Variants in SMCO2 observed in about 807,000 individuals in gnomAD.
The protein encoded by SMCO2 is single-pass membrane protein with coiled-coil domains 2, also known as single-pass membrane and coiled-coil domain-containing protein 2.
A neutral mutation model predicts 29.5 loss-of-function variants in SMCO2; 25 were observed. That is an observed-to-expected ratio of 0.85 (90% confidence interval 0.62 to 1.18). The LOEUF (loss-of-function observed/expected upper bound fraction) is 1.18, where lower values mean the gene tolerates loss of function less well. SMCO2 is among the 50% of genes most tolerant of loss of function. SMCO2 has a pLI of 0.00. For synonymous variants in SMCO2, 117 were observed against 123.3 expected (o/e 0.95, Z 0.34); for missense variants, 348 against 344.5 (o/e 1.01, Z -0.08).
At chr12:27,490,609 G>C (rs1949727361) in intron 5 of SMCO2, among the ~76,000 whole-genome samples, 1 of 152,196 alleles carries the variant, frequency 6.6e-6, no homozygotes, top group East Asian at 1.9e-4. Flanking sequence ...AAACAAATGT[G>C]GTAATATATC....
intron 4 of SMCO2, chr12:27,475,669 CG>C (rs1949579500): frequency 1.3e-6 from 2 of 1,548,202 alleles, no homozygotes; most frequent in Non-Finnish European, 8.7e-7. Flanking sequence ...ATTACATAGA[CG>C]GAACGGAGAA....
intron 5 of SMCO2, among the ~76,000 whole-genome samples, chr12:27,492,770 A>G (rs1942937097): frequency 6.6e-6 from 1 of 152,188 alleles, no homozygotes; most frequent in Non-Finnish European, 1.5e-5. Context: ...AGAAAGCAGT[A>G]TGGCGATTCC....
intron 7 of SMCO2, among the ~76,000 whole-genome samples, chr12:27,500,724 C>T (rs765567680): frequency 5.0e-4 from 76 of 150,648 alleles, no homozygotes; most frequent in Non-Finnish European, 3.2e-4. Context: ...CTGTTATCAG[C>T]TCTCTAAGCC....
chr12:27,440,867 G>A, the SMCO2 span, among the ~76,000 whole-genome samples: 3,461 of 152,186 alleles, frequency 0.023, 143 homozygotes, highest in African/African-American at 0.079. Context: ...CGAGAGAGGA[G>A]TCTCAAAACA....
chr12:27,448,943 G>A, the SMCO2 span, among the ~76,000 whole-genome samples: 1 of 152,172 alleles, frequency 6.6e-6, no homozygotes, highest in Non-Finnish European at 1.5e-5. Flanking sequence ...GTAAAAGACA[G>A]AAGGACTTTG....
chr12:27,467,377 G>T (rs1394555499), intron 1 of SMCO2, among the ~76,000 whole-genome samples: 3 of 151,712 alleles, frequency 2.0e-5, no homozygotes, highest in East Asian at 3.9e-4. Flanking sequence ...TATTTTAAAA[G>T]GTCTAGAGTA....
At chr12:27,457,198 C>T in the SMCO2 span, among the ~76,000 whole-genome samples, 1 of 152,094 alleles carries the variant, frequency 6.6e-6, no homozygotes, top group African/African-American at 2.4e-5. Flanking sequence ...AACCCTGACT[C>T]CCCAGGCCGC....
the SMCO2 span, among the ~76,000 whole-genome samples, chr12:27,442,271 A>G: frequency 6.6e-6 from 1 of 152,168 alleles, no homozygotes; most frequent in Non-Finnish European, 1.5e-5. Context: ...GGCTTTTTGA[A>G]AAGATAAAAT....
At chr12:27,484,633 C>G (rs1949671860) in intron 4 of SMCO2, among the ~76,000 whole-genome samples, 1 of 151,344 alleles carries the variant, frequency 6.6e-6, no homozygotes, top group Non-Finnish European at 1.5e-5. Context: ...GCTCTATTCC[C>G]AGCTGTTTTC....
At chr12:27,477,197 T>A (rs1949593894) in intron 4 of SMCO2, among the ~76,000 whole-genome samples, 1 of 149,950 alleles carries the variant, frequency 6.7e-6, no homozygotes, top group African/African-American at 2.5e-5. Flanking sequence ...GGTATAGTAT[T>A]CTTGGCTGTC....
Position 27,484,081 on chromosome 12 carries a change from T to C in SMCO2, c.363-4379T>C, listed in dbSNP as rs1033040432. Among the ~76,000 whole-genome samples the C allele has an allele frequency of 6.6e-5, 10 of 152,336 alleles. No individual in the cohort carries two copies. The East Asian group carries it at 1.7e-3, about 26-fold the overall frequency. ...ATATCTGGCATCATTTTCCTCTTGT[T>C]GAAGGGCTTTTAAAAACTATTTTCT... On this transcript the variant is annotated intron_variant, in intron 4 of 7. Transcript: ENST00000298876.
chr12:27,484,809 T>C (rs621413), intron 4 of SMCO2, among the ~76,000 whole-genome samples: 18,295 of 138,576 alleles, frequency 0.13, 2,190 homozygotes, highest in African/African-American at 0.31. Flanking sequence ...GCCAAGATCG[T>C]GCCATTGCAC....
the SMCO2 span, among the ~76,000 whole-genome samples, chr12:27,456,803 G>A: frequency 6.6e-6 from 1 of 152,202 alleles, no homozygotes; most frequent in South Asian, 2.1e-4. Context: ...ACCCTGTTAG[G>A]TACCAGTTAG....
chr12:27,472,701 G>A, intron 2 of SMCO2, 75 bp from the exon 3 acceptor site: 1 of 1,082,926 alleles, frequency 9.2e-7, no homozygotes, highest in Non-Finnish European at 1.3e-6. Context: ...TCTCCCTTTA[G>A]AAAGGAGTAG....
chr12:27,488,707 G>A (rs1032685171), intron 5 of SMCO2, among the ~76,000 whole-genome samples, 160 bp downstream of exon 6: 3 of 152,156 alleles, frequency 2.0e-5, no homozygotes, highest in Non-Finnish European at 2.9e-5. Flanking sequence ...GAGTAACACT[G>A]CTTTTATCTG....
upstream of SMCO2, among the ~76,000 whole-genome samples, chr12:27,462,232 A>C (rs1949464232): frequency 1.3e-5 from 2 of 152,176 alleles, no homozygotes; most frequent in South Asian, 4.1e-4. Context: ...CTATAGTTCC[A>C]GCTCTGACAT....
At chr12:27,426,921 C>G in the SMCO2 span, among the ~76,000 whole-genome samples, 145 of 152,168 alleles carry the variant, frequency 9.5e-4, no homozygotes, top group African/African-American at 3.4e-3. Context: ...TGAAATGGTT[C>G]CTAATAAATG....
At chr12:27,459,146 C>T in the SMCO2 span, among the ~76,000 whole-genome samples, 5 of 145,162 alleles carry the variant, frequency 3.4e-5, no homozygotes, top group African/African-American at 5.1e-5. Flanking sequence ...AAGATCGCGC[C>T]ACTGCACTCC....
intron 7 of SMCO2, among the ~76,000 whole-genome samples, chr12:27,501,047 A>G (rs777225954): frequency 6.6e-6 from 1 of 150,634 alleles, no homozygotes; most frequent in Non-Finnish European, 1.5e-5. Flanking sequence ...GAAAATAATA[A>G]TGCAAGGACT....
Sources: allele counts gnomAD v4.1 joint callset (sites outside exome capture counted in the v4.1 genomes callset), GRCh38; gene constraint gnomAD v4.1.1; transcripts MANE v1.5; gene names NCBI Gene and HGNC (gene_info 2026-07-23, HGNC 2026-07-21).